Variants in RB1CC1 observed in about 807,000 individuals in gnomAD.
The protein encoded by RB1CC1 is RB1 inducible coiled-coil 1.
In RB1CC1, 46 loss-of-function variants were observed where a neutral mutation model predicts 177.5. The ratio of observed to expected loss-of-function variants is 0.26; its 90% CI spans 0.20 to 0.33. The LOEUF is 0.33. RB1CC1 is among the 10% of genes least tolerant of loss of function. The probability of loss-of-function intolerance (pLI) is 1.00; values close to 1 mark genes in which losing one functional copy is unlikely to be tolerated. For missense variants in RB1CC1, 1,703 were observed against 1,816.3 expected, an observed-to-expected ratio of 0.94 and a Z score of 1.13; for synonymous variants, 666 against 613.6, an observed-to-expected ratio of 1.09 and a Z score of -1.26.
Position 52,656,734 on chromosome 8 carries a change from T to A in RB1CC1, c.3095A>T (p.His1032Leu), listed in dbSNP as rs776808998. The change falls in exon 15 of 24, where the codon CAT (histidine) becomes CTT (leucine). Residue 1032 changes from histidine (H) to leucine (L), a missense_variant. His to Leu is a moderately conservative substitution (Grantham distance 99, BLOSUM62 -3). Coordinates refer to ENST00000025008, the MANE Select transcript of RB1CC1 (RefSeq NM_014781.5). The part of the protein sequence containing the change: ...QQIINQIQES[H>L]AEIIQEKEKQ... ...TTCTTTTTCCTGGATAATTTCAGCA[T>A]GAGATTCTTGTATTTGATTAATTAT... The A allele has an allele frequency of 5.0e-6, 8 of 1,613,304 alleles. No homozygotes were observed. In the Admixed American group the frequency reaches 8.3e-5, roughly 17 times the overall value.
rs118078737 is a variant in RB1CC1 at position 52,660,463 on chromosome 8, G to A, written c.1689+133C>T. ...AGCTTTATGCTAACTGGCTTTTAAA[G>A]CCAAAAACACTTTTATTTTGATTTT... On this transcript the variant is annotated intron_variant, in intron 12 of 23. Transcript: ENST00000025008. The A allele has an allele frequency of 5.2e-3, 4,458 of 852,882 alleles. 232 individuals carry two copies. In the Admixed American group the frequency reaches 0.093, roughly 18 times the overall value. 52.8% of individuals were successfully genotyped at this position (852,882 alleles called of 1,614,324 possible). A position where few individuals can be genotyped will look rare whatever the true frequency, so the allele number is the denominator to read the frequency against.
intron 5 of RB1CC1, among the ~76,000 whole-genome samples, chr8:52,683,117 G>A (rs1237287699): frequency 6.6e-6 from 1 of 152,056 alleles, no homozygotes; most frequent in Non-Finnish European, 1.5e-5. Context: ...AACAATCCGT[G>A]GGAACTGCAA....
At chr8:52,626,990 G>C (rs112027440) in intron 22 of RB1CC1, among the ~76,000 whole-genome samples, 13 of 152,264 alleles carry the variant, frequency 8.5e-5, no homozygotes, top group African/African-American at 3.1e-4. Flanking sequence ...AGGAGTTCAA[G>C]GCTACAGTGA....
intron 1 of RB1CC1, among the ~76,000 whole-genome samples, chr8:52,711,813 C>A (rs1265342150): frequency 1.3e-5 from 2 of 152,220 alleles, no homozygotes; most frequent in African/African-American, 4.8e-5. Flanking sequence ...GCTTCAGTAA[C>A]TTCATTTTTC....
intron 7 of RB1CC1, among the ~76,000 whole-genome samples, chr8:52,669,990 G>C (rs1224692369): frequency 6.6e-6 from 1 of 152,182 alleles, no homozygotes; most frequent in African/African-American, 2.4e-5. Context: ...TTCTGGCTCT[G>C]TTGCCCAAGA....
rs1851179676 is a variant in RB1CC1 at position 52,657,445 on chromosome 8, T to A, written c.2384A>T (p.Asn795Ile). The A allele has an allele frequency of 6.2e-7, 1 of 1,613,766 alleles. No homozygotes were observed. Among genetic ancestry groups the A allele is most frequent in the Non-Finnish European group, 8.5e-7 (1 of 1,180,000 alleles). ...AACTCTACATCTTTCCAACTGGACATTCAGAGAAGTATGATCTCCAAAATC... is the reference window on the plus strand; with the variant it reads ...AACTCTACATCTTTCCAACTGGACAATCAGAGAAGTATGATCTCCAAAATC... Reference protein sequence around the residue: ...KEDFGDHTSLNVQLERCRVVA... With the variant: ...KEDFGDHTSLIVQLERCRVVA... The change falls in exon 15 of 24, where the codon AAT becomes ATT. Residue 795 changes from asparagine to isoleucine, a missense_variant. Physicochemically the swap from Asn to Ile is moderately radical, Grantham distance 149. This residue lies in a region of RB1CC1 where 1,169 missense variants were observed against 1,184.7 expected (regional missense o/e 0.99). Coordinates refer to ENST00000025008, the MANE Select transcript of RB1CC1 (RefSeq NM_014781.5).
chr8:52,687,487 A>G (rs1386293714), intron 1 of RB1CC1, among the ~76,000 whole-genome samples: 1 of 152,200 alleles, frequency 6.6e-6, no homozygotes, highest in East Asian at 1.9e-4. Flanking sequence ...TGCAAAAATG[A>G]TGGGATATCA....
At chr8:52,684,141 T>A in intron 3 of RB1CC1, 128 bp from the exon 4 acceptor site, 1 of 1,071,464 alleles carries the variant, frequency 9.3e-7, no homozygotes, top group Non-Finnish European at 1.3e-6. Flanking sequence ...CCAAAAACAG[T>A]AATAAAAATA....
chr8:52,662,986 C>T (rs959851299), intron 8 of RB1CC1, among the ~76,000 whole-genome samples: 1 of 151,928 alleles, frequency 6.6e-6, no homozygotes, highest in African/African-American at 2.4e-5. Flanking sequence ...TTTCCTGACA[C>T]CAAAAGCATG....
intron 19 of RB1CC1, among the ~76,000 whole-genome samples, chr8:52,635,342 C>T (rs1323962607): frequency 1.3e-5 from 2 of 152,158 alleles, no homozygotes; most frequent in Non-Finnish European, 2.9e-5. Flanking sequence ...TAGGAAATCA[C>T]ATAACCCTTT....
intron 1 of RB1CC1, among the ~76,000 whole-genome samples, chr8:52,694,982 C>G (rs1855254194): frequency 6.6e-6 from 1 of 152,008 alleles, no homozygotes. Flanking sequence ...AGTAGGAGTT[C>G]CTATAAATTA....
At chr8:52,631,251 C>A (rs1405015515) in intron 20 of RB1CC1, among the ~76,000 whole-genome samples, 2 of 152,040 alleles carry the variant, frequency 1.3e-5, no homozygotes, top group African/African-American at 4.8e-5. Context: ...AACAAAAAAA[C>A]CAAAAAGATT....
At chr8:52,668,829 C>A (rs1195434730) in intron 7 of RB1CC1, among the ~76,000 whole-genome samples, 2 of 152,226 alleles carry the variant, frequency 1.3e-5, no homozygotes, top group African/African-American at 4.8e-5. Flanking sequence ...CCTTGCTTCA[C>A]TTGAGGCTCT....
At chr8:52,628,948 C>T (rs1445766589) in intron 21 of RB1CC1, among the ~76,000 whole-genome samples, 1 of 152,178 alleles carries the variant, frequency 6.6e-6, no homozygotes, top group African/African-American at 2.4e-5. Flanking sequence ...TACCTAACAA[C>T]CATGTGGCAG....
intron 1 of RB1CC1, among the ~76,000 whole-genome samples, chr8:52,696,072 C>A (rs1855378999): frequency 6.6e-6 from 1 of 152,164 alleles, no homozygotes; most frequent in South Asian, 2.1e-4. Context: ...CAGACGGAGT[C>A]TTGCTCTTGT....
chr8:52,685,371 A>G (rs753938682), intron 3 of RB1CC1, 28 bp downstream of exon 3: 9 of 1,422,210 alleles, frequency 6.3e-6, no homozygotes, highest in Non-Finnish European at 7.8e-6. Context: ...ACAGAATGCG[A>G]AAAAAAAATA....
rs542877546 is a variant in RB1CC1 at position 52,649,705 on chromosome 8, C to T, written c.3822-3838G>A. ...AAATTAAAATGCTCCCACCCATACTCACTCAGATCCACATCACTACTTCCT... is the reference window on the plus strand; with the variant it reads ...AAATTAAAATGCTCCCACCCATACTTACTCAGATCCACATCACTACTTCCT... On this transcript the variant is annotated intron_variant, in intron 15 of 23. Transcript: ENST00000025008. Among the ~76,000 whole-genome samples the T allele has an allele frequency of 3.9e-5, 6 of 152,286 alleles. No individual in the cohort carries two copies. The South Asian group carries it at 1.2e-3, about 32-fold the overall frequency.
chr8:52,705,272 A>G (rs1030691571), intron 1 of RB1CC1, among the ~76,000 whole-genome samples: 1 of 152,206 alleles, frequency 6.6e-6, no homozygotes, highest in African/African-American at 2.4e-5. Flanking sequence ...TAATGGTGGG[A>G]TTTCAAATTG....
rs536249257 is a variant in RB1CC1 at position 52,655,369 on chromosome 8, A to G, written c.3821+639T>C. On this transcript the variant is annotated intron_variant, in intron 15 of 23. Transcript: ENST00000025008. ...AACTGTTTACTGGGTCACAAAACCC[A>G]ATTAAACCCAGATTAAAAGTAAAAA... Among the ~76,000 whole-genome samples, 11 of 152,308 alleles carry G rather than the reference A, an allele frequency of 7.2e-5. No homozygotes were observed. The South Asian group carries it at 1.4e-3, about 20-fold the overall frequency.
Sources: allele counts gnomAD v4.1 joint callset (sites outside exome capture counted in the v4.1 genomes callset), GRCh38; gene constraint gnomAD v4.1.1; regional missense constraint gnomAD v4.1.1; transcripts MANE v1.5; gene names NCBI Gene and HGNC (gene_info 2026-07-23, HGNC 2026-07-21).